SDK1: variants seen among roughly 807,000 people sequenced by gnomAD.
SDK1 encodes protein sidekick-1.
SDK1 carries 157 observed loss-of-function variants against 245.5 expected under a neutral mutation model. The ratio of observed to expected loss-of-function variants is 0.64; its 90% CI spans 0.56 to 0.73. SDK1 has a LOEUF of 0.73. Ranked by LOEUF, SDK1 falls within the 30% of genes least tolerant of loss-of-function variation. The pLI is 0.00. For missense variants in SDK1, 3,583 were observed against 3,002.3 expected (o/e 1.19, Z -4.52); for synonymous variants, 1,647 against 1,278.5 (o/e 1.29, Z -6.15).
chr7:4,002,281 G>T (rs1785131183), intron 14 of SDK1, among the ~76,000 whole-genome samples: 1 of 152,188 alleles, frequency 6.6e-6, no homozygotes, highest in Admixed American at 6.5e-5. Context: ...AGCAGGAGTG[G>T]GTTCCGAAGC....
intron 4 of SDK1, among the ~76,000 whole-genome samples, chr7:3,810,949 A>C (rs891080991): frequency 1.3e-5 from 2 of 152,186 alleles, no homozygotes; most frequent in South Asian, 4.1e-4. Context: ...TTATGACTCT[A>C]ATGTGATAAT....
chr7:3,574,002 T>C (rs1780203727), intron 1 of SDK1, among the ~76,000 whole-genome samples: 1 of 152,154 alleles, frequency 6.6e-6, no homozygotes, highest in Non-Finnish European at 1.5e-5. Context: ...TTTGTGAAGC[T>C]ACTGTTTTCA....
intron 2 of SDK1, among the ~76,000 whole-genome samples, chr7:3,636,199 C>G (rs1052431633): frequency 6.6e-6 from 1 of 152,178 alleles, no homozygotes; most frequent in African/African-American, 2.4e-5. Context: ...CTCCTGCCCT[C>G]TTCATTATTA....
At chr7:3,488,376 T>G (rs1382308178) in intron 1 of SDK1, among the ~76,000 whole-genome samples, 3 of 152,236 alleles carry the variant, frequency 2.0e-5, no homozygotes, top group African/African-American at 7.2e-5. Flanking sequence ...TTGTTTGGCT[T>G]CTTTGAGACA....
At chr7:4,170,886 C>T (rs575285515) in intron 32 of SDK1, among the ~76,000 whole-genome samples, 45 of 152,182 alleles carry the variant, frequency 3.0e-4, no homozygotes, top group Non-Finnish European at 5.1e-4. Flanking sequence ...TGACTGTTGC[C>T]GGCGTCCCAA....
intron 1 of SDK1, among the ~76,000 whole-genome samples, chr7:3,568,666 C>G (rs979954726): frequency 4.6e-5 from 7 of 152,168 alleles, no homozygotes; most frequent in African/African-American, 1.7e-4. Context: ...AGACCTGTGG[C>G]AGACAGAGCC....
chr7:3,523,879 ATGTGGCAAAAATATTGCTGTGAT>A (rs1209220870), intron 1 of SDK1, among the ~76,000 whole-genome samples: 3 of 152,104 alleles, frequency 2.0e-5, no homozygotes, highest in African/African-American at 7.2e-5. Context: ...CTACCCCCTT[ATGTGGCAAAAATATTGCTGTGAT>A]TGTGGTTATA....
At chr7:4,205,034 C>G (rs57656159) in intron 35 of SDK1, among the ~76,000 whole-genome samples, 24,815 of 117,602 alleles carry the variant, frequency 0.21, 3,441 homozygotes, top group African/African-American at 0.36. Context: ...GCAACATCCT[C>G]ATGTGTCCTT....
At chr7:3,659,085 AC>A (rs567679046) in intron 4 of SDK1, among the ~76,000 whole-genome samples, 14 of 152,274 alleles carry the variant, frequency 9.2e-5, no homozygotes, top group African/African-American at 3.1e-4. Flanking sequence ...ACCTTTTGAC[AC>A]CTTAAATAGC....
Position 3,974,727 on chromosome 7 carries a change from C to T in SDK1, c.1994+182C>T, listed in dbSNP as rs1782773522. ...AAGGTTTTTTTGTGGTTTCTTTCAA[C>T]TTCGGAATTGAGAAGTTTCGTTTTT... On this transcript the variant is annotated intron_variant, in intron 13 of 44. Coordinates refer to ENST00000404826, the MANE Select transcript of SDK1 (RefSeq NM_152744.4). 4 of 546,966 alleles carry T rather than the reference C, an allele frequency of 7.3e-6. No homozygotes were observed. In the South Asian group the frequency reaches 8.5e-5, roughly 12 times the overall value. 33.9% of individuals were successfully genotyped at this position (546,966 alleles called of 1,614,324 possible).
intron 13 of SDK1, among the ~76,000 whole-genome samples, chr7:3,977,614 G>A (rs1231992154): frequency 6.6e-6 from 1 of 152,220 alleles, no homozygotes; most frequent in South Asian, 2.1e-4. Context: ...GCACCCCTTA[G>A]CATTCAACGA....
At chr7:3,802,318 G>C (rs1779127306) in intron 4 of SDK1, among the ~76,000 whole-genome samples, 1 of 152,052 alleles carries the variant, frequency 6.6e-6, no homozygotes, top group Admixed American at 6.6e-5. Context: ...GAGCCTGGAA[G>C]TTCAAGACCG....
At chr7:4,109,433 A>C (rs902399536) in intron 22 of SDK1, among the ~76,000 whole-genome samples, 1 of 152,144 alleles carries the variant, frequency 6.6e-6, no homozygotes, top group South Asian at 2.1e-4. Context: ...TTTCCTCTGC[A>C]CACTTAGTGA....
intron 5 of SDK1, among the ~76,000 whole-genome samples, chr7:3,946,724 G>C (rs1256608028): frequency 6.6e-6 from 1 of 152,172 alleles, no homozygotes; most frequent in Non-Finnish European, 1.5e-5. Flanking sequence ...AGGAGACAGT[G>C]AGGTCCAGGG....
intron 7 of SDK1, chr7:3,958,108 C>T: frequency 2.4e-6 from 1 of 423,934 alleles, no homozygotes; most frequent in South Asian, 1.7e-5. Context: ...ACATTCAACA[C>T]AATTATAATG....
At chr7:3,381,090 A>G (rs531821063) in intron 1 of SDK1, among the ~76,000 whole-genome samples, 11 of 152,338 alleles carry the variant, frequency 7.2e-5, no homozygotes, top group African/African-American at 1.2e-4. Flanking sequence ...ATTGAAGTCA[A>G]GAGTGTGATT....
At chr7:4,051,527 T>G in intron 18 of SDK1, 111 bp from the exon 19 acceptor site, 1 of 925,506 alleles carries the variant, frequency 1.1e-6, no homozygotes, top group Non-Finnish European at 1.6e-6. Flanking sequence ...TTATGGACTT[T>G]CTTAATTATG....
intron 1 of SDK1, among the ~76,000 whole-genome samples, chr7:3,562,338 G>T (rs1779775210): frequency 6.6e-6 from 1 of 152,174 alleles, no homozygotes; most frequent in South Asian, 2.1e-4. Flanking sequence ...AAGTACTTTG[G>T]CCTTTTCTTC....
intron 27 of SDK1, 115 bp downstream of exon 27, chr7:4,130,212 G>A: frequency 1.7e-6 from 2 of 1,181,294 alleles, no homozygotes; most frequent in Non-Finnish European, 2.3e-6. Flanking sequence ...ACTTTCTTTT[G>A]CAGTTGAGGG....
Sources: allele counts gnomAD v4.1 joint callset (sites outside exome capture counted in the v4.1 genomes callset), GRCh38; gene constraint gnomAD v4.1.1; transcripts MANE v1.5; gene names NCBI Gene and HGNC (gene_info 2026-07-23, HGNC 2026-07-21).